PLCE1: variants seen among roughly 807,000 people sequenced by gnomAD.
PLCE1 encodes 1-phosphatidylinositol 4,5-bisphosphate phosphodiesterase epsilon-1.
Under a neutral mutation model 242.8 loss-of-function variants are expected in PLCE1, and 119 were observed. The observed-to-expected ratio is 0.49, with a 90% CI of 0.42 to 0.57. PLCE1 has a LOEUF of 0.57. Among genes scored for constraint, PLCE1 ranks in the 20% least tolerant of loss-of-function variants. The pLI, the probability that PLCE1 is intolerant of heterozygous loss-of-function variation, is 0.00. For synonymous variants in PLCE1, 945 were observed against 1,017.4 expected (o/e 0.93, Z 1.35); for missense variants, 2,441 against 2,788.8 (o/e 0.88, Z 2.81).
At chr10:94,068,109 T>C (rs1259827813) in intron 2 of PLCE1, among the ~76,000 whole-genome samples, 1 of 152,150 alleles carries the variant, frequency 6.6e-6, no homozygotes, top group Non-Finnish European at 1.5e-5. Flanking sequence ...GTTTAATTGC[T>C]CACATCTGTC....
chr10:94,227,693 T>C (rs1467776158), intron 5 of PLCE1, among the ~76,000 whole-genome samples: 1 of 152,212 alleles, frequency 6.6e-6, no homozygotes, highest in Non-Finnish European at 1.5e-5. Context: ...CCTGTGTTCT[T>C]TGCCAAGCCA....
chr10:94,230,176 A>G (rs2050093611), intron 5 of PLCE1, among the ~76,000 whole-genome samples: 1 of 152,232 alleles, frequency 6.6e-6, no homozygotes, highest in Non-Finnish European at 1.5e-5. Context: ...AGTAAGAAGT[A>G]CAAATATTTA....
At chr10:94,109,939 CAG>C (rs2045891162) in intron 2 of PLCE1, among the ~76,000 whole-genome samples, 1 of 150,790 alleles carries the variant, frequency 6.6e-6, no homozygotes, top group Admixed American at 6.6e-5. Flanking sequence ...TAGACCAGTG[CAG>C]AGATGGGGTT....
At chr10:94,025,389 C>A (rs1356439244) in intron 1 of PLCE1, among the ~76,000 whole-genome samples, 1 of 152,056 alleles carries the variant, frequency 6.6e-6, no homozygotes, top group South Asian at 2.1e-4. Context: ...TCTCTGCCAC[C>A]CTACTGATAA....
At chr10:94,269,474 A>T (rs1434397083) in intron 17 of PLCE1, among the ~76,000 whole-genome samples, 1 of 152,118 alleles carries the variant, frequency 6.6e-6, no homozygotes, top group African/African-American at 2.4e-5. Flanking sequence ...GCTGGGTCTA[A>T]ATGAAGACTT....
At chr10:94,103,894 G>C (rs563546193) in intron 2 of PLCE1, among the ~76,000 whole-genome samples, 1 of 152,172 alleles carries the variant, frequency 6.6e-6, no homozygotes, top group Non-Finnish European at 1.5e-5. Flanking sequence ...TTCTCATTTC[G>C]GGTCTACCAA....
chr10:94,189,656 G>A (rs898403867), intron 4 of PLCE1, among the ~76,000 whole-genome samples: 1 of 152,138 alleles, frequency 6.6e-6, no homozygotes, highest in Non-Finnish European at 1.5e-5. Context: ...TAGGATGACA[G>A]TGAGAATATA....
At chr10:94,317,200 A>G (rs571426500) in intron 29 of PLCE1, among the ~76,000 whole-genome samples, 2 of 152,328 alleles carry the variant, frequency 1.3e-5, no homozygotes, top group East Asian at 3.9e-4. Context: ...GGTTGCAGAG[A>G]GCTGAGATCG....
At chr10:94,008,688 A>G (rs1231074349) in intron 1 of PLCE1, among the ~76,000 whole-genome samples, 1 of 152,188 alleles carries the variant, frequency 6.6e-6, no homozygotes, top group Non-Finnish European at 1.5e-5. Flanking sequence ...TCCATCCTAC[A>G]GGAATTTGCT....
intron 8 of PLCE1, among the ~76,000 whole-genome samples, chr10:94,251,633 A>G (rs2050878993): frequency 6.6e-6 from 1 of 152,202 alleles, no homozygotes; most frequent in African/African-American, 2.4e-5. Context: ...TACTTACAGG[A>G]TGCTACACAG....
intron 4 of PLCE1, among the ~76,000 whole-genome samples, chr10:94,205,566 G>T (rs77580676): frequency 0.023 from 3,450 of 152,324 alleles, 105 homozygotes; most frequent in African/African-American, 0.072. Context: ...GGACCAGCTG[G>T]CAAGAGTCGG....
intron 23 of PLCE1, among the ~76,000 whole-genome samples, chr10:94,294,579 A>T (rs1352361732): frequency 6.6e-6 from 1 of 152,240 alleles, no homozygotes; most frequent in Admixed American, 6.5e-5. Context: ...TATAAAAGTT[A>T]TGTCTACACT....
chr10:94,306,975 G>A lies in PLCE1; in HGVS notation c.5884+287G>A, dbSNP rs548619692. On this transcript the variant is annotated intron_variant, in intron 26 of 32. Transcript: ENST00000371380. This position sits in a 1 kb window ranked among gnomAD's most constrained non-coding sequence, Gnocchi z 5.7. ...GGTTGTTGCTACCCACGGCACTGCT[G>A]GCAGTTTGAAAGCAGGGATTGAAAT... Among the ~76,000 whole-genome samples, 1 of 152,156 alleles carries A rather than the reference G, an allele frequency of 6.6e-6. No individual in the cohort carries two copies. Among genetic ancestry groups the A allele is most frequent in the Non-Finnish European group, 1.5e-5 (1 of 68,028 alleles).
intron 3 of PLCE1, among the ~76,000 whole-genome samples, chr10:94,160,492 T>G (rs1163349365): frequency 6.6e-6 from 1 of 152,210 alleles, no homozygotes; most frequent in Non-Finnish European, 1.5e-5. Context: ...TAAATTTGTT[T>G]GAGTTCATTG....
At chr10:94,023,471 G>A (rs1016139058) in intron 1 of PLCE1, among the ~76,000 whole-genome samples, 2 of 152,144 alleles carry the variant, frequency 1.3e-5, no homozygotes, top group East Asian at 3.9e-4. Context: ...ATACAATGAA[G>A]GAGAGGGAGT....
chr10:94,161,129 T>C (rs939248023), intron 3 of PLCE1, among the ~76,000 whole-genome samples: 1 of 152,200 alleles, frequency 6.6e-6, no homozygotes, highest in East Asian at 1.9e-4. Flanking sequence ...AAGTAGTTTT[T>C]TCCAATTCTG....
intron 14 of PLCE1, among the ~76,000 whole-genome samples, chr10:94,264,430 A>G (rs2051431836): frequency 6.6e-6 from 1 of 151,170 alleles, no homozygotes; most frequent in African/African-American, 2.4e-5. Flanking sequence ...CGGGCCTTTT[A>G]GAGCTTGATA....
chr10:94,153,301 A>G (rs1003862316), intron 3 of PLCE1, among the ~76,000 whole-genome samples: 2 of 152,326 alleles, frequency 1.3e-5, no homozygotes, highest in South Asian at 4.1e-4. Flanking sequence ...TCATATGAAT[A>G]GAACAATAGA....
intron 4 of PLCE1, among the ~76,000 whole-genome samples, chr10:94,199,905 C>T (rs2048940996): frequency 6.6e-6 from 1 of 152,160 alleles, no homozygotes; most frequent in Non-Finnish European, 1.5e-5. Context: ...CTAATATGCT[C>T]CACTATGGTG....
Sources: gnomAD v4.1 joint callset for allele counts (sites outside exome capture counted in the v4.1 genomes callset) on GRCh38, gnomAD v4.1.1 for gene constraint, Gnocchi (gnomAD v3.1) non-coding constraint, MANE v1.5 for transcripts, NCBI Gene and HGNC (gene_info 2026-07-23, HGNC 2026-07-21) for gene names.